Variants in ADAMTS3 observed in about 807,000 individuals in gnomAD.
ADAMTS3 encodes the protein A disintegrin and metalloproteinase with thrombospondin motifs 3.
Under a neutral mutation model 129.0 loss-of-function variants are expected in ADAMTS3, and 73 were observed. The observed-to-expected ratio is 0.57, with a 90% confidence interval of 0.47 to 0.69. The LOEUF is 0.69. Ranked by LOEUF, ADAMTS3 falls within the 30% of genes least tolerant of loss-of-function variation. ADAMTS3 has a pLI of 0.00. For missense variants in ADAMTS3, 1,457 were observed against 1,514.5 expected (o/e 0.96, Z 0.63); for synonymous variants, 477 against 510.8 (o/e 0.93, Z 0.89).
intron 3 of ADAMTS3, among the ~76,000 whole-genome samples, chr4:72,501,068 T>C (rs1262983886): frequency 6.6e-6 from 1 of 152,200 alleles, no homozygotes; most frequent in African/African-American, 2.4e-5. Context: ...CTTTGTTCTT[T>C]TTGCTTAGCA....
At chr4:72,559,181 T>A (rs1348897374) in intron 2 of ADAMTS3, among the ~76,000 whole-genome samples, 1 of 151,834 alleles carries the variant, frequency 6.6e-6, no homozygotes, top group African/African-American at 2.4e-5. Flanking sequence ...TGAAACCTCA[T>A]CAATTTTGTT....
At chr4:72,441,205 C>T (rs578182456) in intron 3 of ADAMTS3, among the ~76,000 whole-genome samples, 4 of 151,634 alleles carry the variant, frequency 2.6e-5, no homozygotes, top group Middle Eastern at 3.2e-3. Context: ...CAGCATAATG[C>T]TTTTGAGATT....
intron 2 of ADAMTS3, among the ~76,000 whole-genome samples, chr4:72,566,418 A>G (rs1161549308): frequency 8.5e-5 from 13 of 152,184 alleles, no homozygotes; most frequent in Admixed American, 7.2e-4. Context: ...TGTGGGAATC[A>G]GTTGACATAA....
At chr4:72,549,902 C>A (rs759290051) in intron 2 of ADAMTS3, among the ~76,000 whole-genome samples, 1 of 141,060 alleles carries the variant, frequency 7.1e-6, no homozygotes, top group Non-Finnish European at 1.5e-5. Context: ...TTTAAGACCA[C>A]AGGACAATGG....
At position 72,327,760 on chromosome 4, in the gene ADAMTS3, C is replaced by G. The variant is rs989402867; in HGVS notation, c.862-4663G>C. On this transcript the variant is annotated intron_variant, in intron 5 of 21. Coordinates refer to ENST00000286657, the MANE Select transcript of ADAMTS3 (RefSeq NM_014243.3). ...AAAATCATCAATAGTGATTCTCAAC[C>G]TTTGAGTTTAAGAATATAGTGTGGA... Among the ~76,000 whole-genome samples the G allele has an allele frequency of 5.3e-5, 8 of 152,106 alleles. No individual in the cohort carries two copies. The South Asian group carries it at 8.3e-4, about 16-fold the overall frequency.
At chr4:72,295,937 T>C (rs879232160) in intron 18 of ADAMTS3, 151 bp from the exon 19 acceptor site, 1 of 926,524 alleles carries the variant, frequency 1.1e-6, no homozygotes, top group African/African-American at 1.7e-5. Context: ...GTGCTGAAGG[T>C]CCCAAAGAAC....
At chr4:72,444,734 CAA>C (rs528424541) in intron 3 of ADAMTS3, among the ~76,000 whole-genome samples, 63 of 151,726 alleles carry the variant, frequency 4.2e-4, no homozygotes, top group Non-Finnish European at 8.1e-4. Flanking sequence ...TGAAAGATGA[CAA>C]GAGATGAATT....
chr4:72,285,387 A>T (rs111277210), intron 21 of ADAMTS3, among the ~76,000 whole-genome samples: 2,588 of 152,024 alleles, frequency 0.017, 78 homozygotes, highest in African/African-American at 0.059. Context: ...ATTTTTTTTG[A>T]AAACCTGTAT....
Position 72,419,746 on chromosome 4 carries a change from G to T in ADAMTS3, c.505-4775C>A, listed in dbSNP as rs372721851. ...CACCCCTGTAAGTACAAAAACTCCT[G>T]GCACACATGTGGACAGCAAGCAAGC... On this transcript the variant is annotated intron_variant, in intron 3 of 21. Transcript: ENST00000286657. 5.3e-5 allele frequency among the ~76,000 whole-genome samples: 8 copies of T among 152,172 alleles called. No individual in the cohort carries two copies. The East Asian group carries it at 1.2e-3, about 22-fold the overall frequency.
chr4:72,537,549 C>T (rs1721213001), intron 3 of ADAMTS3, among the ~76,000 whole-genome samples: 1 of 152,054 alleles, frequency 6.6e-6, no homozygotes, highest in African/African-American at 2.4e-5. Context: ...CTGAGAAGAC[C>T]TTAAGTTTAC....
chr4:72,323,256 CT>C (rs1719611849), intron 5 of ADAMTS3, 159 bp from the exon 6 acceptor site: 1 of 626,092 alleles, frequency 1.6e-6, no homozygotes, highest in African/African-American at 1.8e-5. Context: ...TTACTTTTAG[CT>C]TTGGTACAAT....
At chr4:72,341,135 T>C (rs555185196) in intron 4 of ADAMTS3, among the ~76,000 whole-genome samples, 2 of 152,192 alleles carry the variant, frequency 1.3e-5, no homozygotes, top group Non-Finnish European at 2.9e-5. Flanking sequence ...GGAAGGTTGA[T>C]GACCAAGCCC....
chr4:72,409,198 C>T (rs1304260729), intron 4 of ADAMTS3, among the ~76,000 whole-genome samples: 5 of 152,164 alleles, frequency 3.3e-5, no homozygotes, highest in African/African-American at 9.6e-5. Context: ...AGTTGACATG[C>T]GAGAAAGCAA....
intron 3 of ADAMTS3, among the ~76,000 whole-genome samples, chr4:72,530,368 A>T (rs1270998557): frequency 3.5e-5 from 3 of 85,904 alleles, no homozygotes; most frequent in African/African-American, 4.7e-5. Flanking sequence ...ATATATAAAT[A>T]TAATATATAA....
chr4:72,527,559 T>A (rs1466751686), intron 3 of ADAMTS3, among the ~76,000 whole-genome samples: 1 of 152,132 alleles, frequency 6.6e-6, no homozygotes, highest in Non-Finnish European at 1.5e-5. Context: ...TAGATGTCCA[T>A]CTATTTATAT....
chr4:72,301,849 G>A (rs536657759), intron 17 of ADAMTS3, among the ~76,000 whole-genome samples: 5 of 151,866 alleles, frequency 3.3e-5, no homozygotes, highest in African/African-American at 4.8e-5. Flanking sequence ...TTTCAGAGCC[G>A]GCCACTAAAG....
At chr4:72,549,914 T>A (rs541580440) in intron 2 of ADAMTS3, among the ~76,000 whole-genome samples, 1 of 131,208 alleles carries the variant, frequency 7.6e-6, no homozygotes, top group Non-Finnish European at 1.6e-5. Flanking sequence ...GGACAATGGA[T>A]ACTAGAGAAG....
intron 21 of ADAMTS3, among the ~76,000 whole-genome samples, chr4:72,286,916 A>G (rs896787697): frequency 6.6e-6 from 1 of 152,120 alleles, no homozygotes; most frequent in African/African-American, 2.4e-5. Context: ...AGAAAGAGAC[A>G]GACACAAGGA....
intron 3 of ADAMTS3, among the ~76,000 whole-genome samples, chr4:72,469,248 G>T (rs919905930): frequency 6.6e-6 from 1 of 152,060 alleles, no homozygotes; most frequent in African/African-American, 2.4e-5. Context: ...AGCCCAAGAG[G>T]CTGGTGAATA....
Sources: gnomAD v4.1 joint callset for allele counts (sites outside exome capture counted in the v4.1 genomes callset) on GRCh38, gnomAD v4.1.1 for gene constraint, MANE v1.5 for transcripts, NCBI Gene and HGNC (gene_info 2026-07-23, HGNC 2026-07-21) for gene names.